The following KLF12 variants were observed in gnomAD, a reference collection of about 807,000 sequenced individuals.
KLF12 encodes the protein KLF transcription factor 12, also known as Krueppel-like factor 12.
KLF12 carries 9 observed loss-of-function variants against 37.8 expected under a neutral mutation model. The ratio of observed to expected loss-of-function variants is 0.24; its 90% CI spans 0.14 to 0.42. The LOEUF (loss-of-function observed/expected upper bound fraction) is 0.42, where lower values mean the gene tolerates loss of function less well. Among genes scored for constraint, KLF12 ranks in the 10% least tolerant of loss-of-function variants. KLF12 has a pLI of 1.00. For missense variants in KLF12, 411 were observed against 516.0 expected (o/e 0.80, Z 1.97); for synonymous variants, 208 against 202.1 (o/e 1.03, Z -0.25).
intron 1 of KLF12, among the ~76,000 whole-genome samples, chr13:74,085,026 A>G (rs1438649296): frequency 6.6e-6 from 1 of 152,206 alleles, no homozygotes; most frequent in African/African-American, 2.4e-5. Flanking sequence ...GGTCTATATC[A>G]TGATCCATTA....
chr13:74,042,977 T>TG (rs979819651), intron 1 of KLF12, among the ~76,000 whole-genome samples: 2 of 152,118 alleles, frequency 1.3e-5, no homozygotes, highest in Non-Finnish European at 2.9e-5. Flanking sequence ...CAAAGTTTAG[T>TG]GGGGATCTTT....
At chr13:73,770,741 T>G (rs1292040658) in intron 5 of KLF12, among the ~76,000 whole-genome samples, 4 of 152,158 alleles carry the variant, frequency 2.6e-5, no homozygotes, top group African/African-American at 9.6e-5. Flanking sequence ...CAGGATGGTC[T>G]CCAACTCCTG....
intron 7 of KLF12, among the ~76,000 whole-genome samples, chr13:73,698,583 T>C (rs762542152): frequency 1.1e-4 from 17 of 152,224 alleles, no homozygotes; most frequent in Non-Finnish European, 2.9e-5. Flanking sequence ...ATTTTAAAGG[T>C]TGAAAAAACA....
At chr13:74,147,092 A>G in the KLF12 span, among the ~76,000 whole-genome samples, 1 of 152,212 alleles carries the variant, frequency 6.6e-6, no homozygotes, top group Middle Eastern at 3.2e-3. Context: ...AAGGCTTTTT[A>G]TACCCTCACT....
At chr13:73,761,066 T>C (rs559799961) in intron 6 of KLF12, among the ~76,000 whole-genome samples, 6 of 152,308 alleles carry the variant, frequency 3.9e-5, no homozygotes, top group African/African-American at 1.2e-4. Context: ...CAGCTGAATA[T>C]GACCTGGAAA....
intron 6 of KLF12, among the ~76,000 whole-genome samples, chr13:73,739,773 A>C (rs2137881011): frequency 6.6e-6 from 1 of 152,360 alleles, no homozygotes; most frequent in African/African-American, 2.4e-5. Flanking sequence ...CATGATGATA[A>C]ATAATCAGAG....
chr13:73,859,014 G>A (rs1019107975), intron 3 of KLF12, among the ~76,000 whole-genome samples: 3 of 152,220 alleles, frequency 2.0e-5, no homozygotes, highest in African/African-American at 7.2e-5. Context: ...GGCAGATGGT[G>A]TACGGGACAA....
the KLF12 span, among the ~76,000 whole-genome samples, chr13:74,232,353 G>C: frequency 7.9e-5 from 12 of 152,268 alleles, no homozygotes; most frequent in Middle Eastern, 0.01. Flanking sequence ...AAACTTTCAT[G>C]ATCCTTTGCG....
the KLF12 span, among the ~76,000 whole-genome samples, chr13:74,268,842 G>A: frequency 1.3e-5 from 2 of 152,184 alleles, no homozygotes; most frequent in African/African-American, 4.8e-5. Flanking sequence ...TGAGTTGGAA[G>A]CTGAGACAGC....
chr13:74,175,435 T>C, the KLF12 span, among the ~76,000 whole-genome samples: 1 of 152,196 alleles, frequency 6.6e-6, no homozygotes, highest in Non-Finnish European at 1.5e-5. Context: ...TCCATATCAG[T>C]TCATTCAACA....
At chr13:73,817,557 C>G (rs934412327) in intron 4 of KLF12, among the ~76,000 whole-genome samples, 1 of 152,162 alleles carries the variant, frequency 6.6e-6, no homozygotes, top group Admixed American at 6.5e-5. Flanking sequence ...TGGCCTAAAG[C>G]TGCCTCTATA....
intron 1 of KLF12, among the ~76,000 whole-genome samples, chr13:74,047,653 T>C (rs927568027): frequency 2.0e-5 from 3 of 150,908 alleles, no homozygotes; most frequent in Non-Finnish European, 2.9e-5. Context: ...GCAGCTGTAT[T>C]GCTGCCACAT....
intron 1 of KLF12, among the ~76,000 whole-genome samples, chr13:74,105,095 G>C (rs1039616845): frequency 6.6e-6 from 1 of 152,034 alleles, no homozygotes; most frequent in African/African-American, 2.4e-5. Context: ...TTTCACAGCT[G>C]GTAAGAAAGA....
chr13:73,890,412 G>A (rs900262039), intron 3 of KLF12, among the ~76,000 whole-genome samples: 25 of 151,900 alleles, frequency 1.6e-4, no homozygotes, highest in African/African-American at 5.6e-4. Context: ...ATTATCCCAC[G>A]AAAGAAATAA....
rs146194142 is a variant in KLF12 at position 73,891,811 on chromosome 13, T to G, written c.124-45438A>C. On this transcript the variant is annotated intron_variant, in intron 3 of 7. Coordinates refer to ENST00000377669, the MANE Select transcript of KLF12 (RefSeq NM_007249.5). ...TATAACTTTTATTTCTAAAGAAGTT[T>G]CTGTTGACAGTTTGCATCTTTGGAT... 1.6e-3 allele frequency among the ~76,000 whole-genome samples: 247 copies of G among 152,276 alleles called. 1 individual carries two copies. Among genetic ancestry groups the G allele is most frequent in the African/African-American group, 5.9e-3 (244 of 41,576 alleles).
chr13:74,125,781 T>C (rs1022860002), intron 1 of KLF12, among the ~76,000 whole-genome samples: 1 of 152,236 alleles, frequency 6.6e-6, no homozygotes, highest in Non-Finnish European at 1.5e-5. Flanking sequence ...AGTATGTCAA[T>C]ATGATCTACA....
intron 1 of KLF12, among the ~76,000 whole-genome samples, chr13:74,025,306 C>A (rs1463187507): frequency 6.8e-6 from 1 of 147,446 alleles, no homozygotes; most frequent in Non-Finnish European, 1.5e-5. Context: ...AAGATTAAAC[C>A]ATAATTCTAC....
the KLF12 span, among the ~76,000 whole-genome samples, chr13:74,264,444 C>T: frequency 6.6e-6 from 1 of 152,130 alleles, no homozygotes; most frequent in African/African-American, 2.4e-5. Context: ...TCTTCAGCTT[C>T]TTTGGTGAGA....
chr13:73,756,411 T>C (rs1302529247), intron 6 of KLF12, among the ~76,000 whole-genome samples: 1 of 152,160 alleles, frequency 6.6e-6, no homozygotes, highest in Non-Finnish European at 1.5e-5. Context: ...ATCAACACTC[T>C]TAGGTTTCAA....
Sources: gnomAD v4.1 joint callset for allele counts (sites outside exome capture counted in the v4.1 genomes callset) on GRCh38, gnomAD v4.1.1 for gene constraint, MANE v1.5 for transcripts, NCBI Gene and HGNC (gene_info 2026-07-23, HGNC 2026-07-21) for gene names.